Variants in CMC2 observed in about 807,000 individuals in gnomAD.
CMC2 encodes COX assembly mitochondrial protein 2 homolog.
CMC2 carries 5 observed loss-of-function variants against 7.5 expected under a neutral mutation model. That is an observed-to-expected ratio of 0.66 (90% CI 0.35 to 1.40). The LOEUF is 1.40. CMC2 is among the 40% of genes most tolerant of loss of function. The pLI is 0.04. For missense variants in CMC2, 115 were observed against 92.3 expected, an observed-to-expected ratio of 1.25 and a Z score of -1.01; for synonymous variants, 37 against 31.4, an observed-to-expected ratio of 1.18 and a Z score of -0.60.
chr16:80,999,722 C>T (rs947812017), intron 1 of CMC2, among the ~76,000 whole-genome samples: 1 of 152,164 alleles, frequency 6.6e-6, no homozygotes. Flanking sequence ...ACACATGGAC[C>T]AATGGAACAT....
intron 3 of CMC2, chr16:80,980,907 A>C: frequency 1.4e-6 from 1 of 695,742 alleles, no homozygotes; most frequent in Non-Finnish European, 2.6e-6. Flanking sequence ...AGAAAAAAAG[A>C]AACAAACTAT....
chr16:80,973,163 C>A lies in CMC2; in HGVS notation c.*2930G>T, dbSNP rs1423633142. The A allele has an allele frequency of 1.3e-5, 2 of 152,308 alleles. No individual in the cohort carries two copies. The highest frequency in any genetic ancestry group is 4.8e-5 in the African/African-American group (2 of 41,452). 9.4% of individuals were successfully genotyped at this position (152,308 alleles called of 1,614,324 possible). A position where few individuals can be genotyped will look rare whatever the true frequency, so the allele number is the denominator to read the frequency against. On this transcript the variant is annotated 3_prime_UTR_variant, in exon 4 of 4. Transcript: ENST00000219400. Reference sequence around the variant, plus strand: ...ATGCAGCCACCCCTGGGACTGGCTTCCTCTATGGAAAGGCAGGATGTACAG... The same window carrying A: ...ATGCAGCCACCCCTGGGACTGGCTTACTCTATGGAAAGGCAGGATGTACAG...
In CMC2 at chr16:80,967,960, G is replaced by C. The variant is rs1911669823; in HGVS notation, c.*8133C>G. On this transcript the variant is annotated 3_prime_UTR_variant, in exon 4 of 4. Coordinates refer to ENST00000219400, the MANE Select transcript of CMC2 (RefSeq NM_020188.5). ...TCTCAACATAATATATCACCAATAA[G>C]AACTTTTCTCAAAAACTTAAATACA... 1 of 151,474 alleles carries C rather than the reference G, an allele frequency of 6.6e-6. No individual in the cohort carries two copies. The highest frequency in any genetic ancestry group is 2.4e-5 in the African/African-American group (1 of 41,148). 9.4% of individuals were successfully genotyped at this position (151,474 alleles called of 1,614,324 possible). A position where few individuals can be genotyped will look rare whatever the true frequency, so the allele number is the denominator to read the frequency against.
At chr16:80,998,045 T>G (rs2549865) in intron 1 of CMC2, 95,417 of 151,224 alleles carry the variant, frequency 0.63, 31,597 homozygotes, top group Middle Eastern at 0.8. Flanking sequence ...AATTGGATCA[T>G]CCACAAGGTG....
At position 80,969,243 on chromosome 16, in the gene CMC2, T is replaced by C. The variant is rs1158644729; in HGVS notation, c.*6850A>G. On this transcript the variant is annotated 3_prime_UTR_variant, in exon 4 of 4. Coordinates refer to ENST00000219400, the MANE Select transcript of CMC2 (RefSeq NM_020188.5). The stretch of plus-strand genomic sequence containing the variant: ...TATCCCAAAATACAAATGAGTGAGG[T>C]GAGGACAGAGCATCAAGAGCCAGAG... 6.6e-6 allele frequency: 1 copy of C among 152,042 alleles called. No individual in the cohort carries two copies. The highest frequency in any genetic ancestry group is 1.5e-5 in the Non-Finnish European group (1 of 68,048). 9.4% of individuals were successfully genotyped at this position (152,042 alleles called of 1,614,324 possible).
chr16:80,993,509 T>C (rs1968170549), intron 2 of CMC2, among the ~76,000 whole-genome samples: 1 of 151,602 alleles, frequency 6.6e-6, no homozygotes, highest in South Asian at 2.1e-4. Flanking sequence ...TCACTACACA[T>C]GTATTGGGTG....
chr16:80,973,304 A>C lies in CMC2; in HGVS notation c.*2789T>G, dbSNP rs1267040229. The C allele has an allele frequency of 6.6e-6, 1 of 152,108 alleles. No homozygotes were observed. The highest frequency in any genetic ancestry group is 1.5e-5 in the Non-Finnish European group (1 of 68,038). The allele number at this position is 152,108 out of a possible 1,614,324, so 9.4% of individuals were successfully genotyped here. ...TGCCCCATCAGCTGGGGCCCCACTC[A>C]AACGGTATCAGCCCTAGTGATTTGG... On this transcript the variant is annotated 3_prime_UTR_variant, in exon 4 of 4. Transcript: ENST00000219400.
chr16:80,991,455 C>T lies in CMC2; in HGVS notation c.81+5859G>A, dbSNP rs2316924. Among the ~76,000 whole-genome samples, 693 of 152,092 alleles carry T rather than the reference C, an allele frequency of 4.6e-3. 8 individuals carry two copies. Among genetic ancestry groups the T allele is most frequent in the African/African-American group, 0.016 (667 of 41,480 alleles). On this transcript the variant is annotated intron_variant, in intron 2 of 3. Transcript: ENST00000219400. ...TTCAAGACCAGCCTGAGCAACATGG[C>T]GAAAACCCGTTCTCTACAAATATAC...
At chr16:80,981,257 G>C (rs1245768768) in intron 3 of CMC2, among the ~76,000 whole-genome samples, 1 of 152,148 alleles carries the variant, frequency 6.6e-6, no homozygotes, top group Non-Finnish European at 1.5e-5. Context: ...CCTGGAAAAA[G>C]ACAATGAACT....
intron 2 of CMC2, among the ~76,000 whole-genome samples, chr16:80,996,188 G>C (rs943398226): frequency 3.9e-5 from 6 of 152,082 alleles, no homozygotes; most frequent in African/African-American, 1.2e-4. Context: ...TTTATGTCTA[G>C]TATTACAAAA....
At chr16:81,000,894 T>A (rs1213115054) in intron 1 of CMC2, among the ~76,000 whole-genome samples, 2 of 152,200 alleles carry the variant, frequency 1.3e-5, no homozygotes, top group African/African-American at 4.8e-5. Flanking sequence ...AAACATGCAC[T>A]CATAAGTTCT....
intron 3 of CMC2, chr16:80,978,229 CT>C (rs775916201): frequency 2.5e-4 from 261 of 1,037,560 alleles, no homozygotes; most frequent in Non-Finnish European, 2.9e-4. Context: ...TGAGAAAAAG[CT>C]TTCATATCTA....
chr16:80,986,423 C>T (rs901115027), intron 2 of CMC2, among the ~76,000 whole-genome samples: 1 of 151,554 alleles, frequency 6.6e-6, no homozygotes, highest in South Asian at 2.1e-4. Flanking sequence ...CCACTGCACT[C>T]CAGCCTGGGC....
rs867163780 is a variant in CMC2, at chr16:80,974,474, T to C, written c.*1619A>G. ...GCACTGAAAATAAAATTCCAACAGA[T>C]TTCAAAGCTGTCTATGATCTTCCTC... On this transcript the variant is annotated 3_prime_UTR_variant, in exon 4 of 4. Transcript: ENST00000219400. The C allele has an allele frequency of 6.6e-6, 1 of 152,190 alleles. No individual in the cohort carries two copies. The allele number at this position is 152,190 out of a possible 1,614,324, so 9.4% of individuals were successfully genotyped here. A position where few individuals can be genotyped will look rare whatever the true frequency, so the allele number is the denominator to read the frequency against.
chr16:80,973,198 G>T lies in CMC2; in HGVS notation c.*2895C>A, dbSNP rs1276739670. 1 of 152,288 alleles carries T rather than the reference G, an allele frequency of 6.6e-6. No individual in the cohort carries two copies. The highest frequency in any genetic ancestry group is 2.4e-5 in the African/African-American group (1 of 41,450). 9.4% of individuals were successfully genotyped at this position (152,288 alleles called of 1,614,324 possible). On this transcript the variant is annotated 3_prime_UTR_variant, in exon 4 of 4. Transcript: ENST00000219400. Reference sequence around the variant, plus strand: ...AAGGCAGGATGTACAGGGAGCCAGAGAATGGGGCCGGCTTGGGATGAGTTC... The same window carrying T: ...AAGGCAGGATGTACAGGGAGCCAGATAATGGGGCCGGCTTGGGATGAGTTC...
At chr16:80,988,497 T>C (rs912980968) in intron 2 of CMC2, 5 of 690,370 alleles carry the variant, frequency 7.2e-6, no homozygotes, top group Non-Finnish European at 1.3e-5. Flanking sequence ...AATTTCCAAA[T>C]AGTAACATTT....
chr16:80,972,741 A>C lies in CMC2; in HGVS notation c.*3352T>G, dbSNP rs1912016252. 1 of 152,246 alleles carries C rather than the reference A, an allele frequency of 6.6e-6. No homozygotes were observed. 9.4% of individuals were successfully genotyped at this position (152,246 alleles called of 1,614,324 possible). A position where few individuals can be genotyped will look rare whatever the true frequency, so the allele number is the denominator to read the frequency against. ...GTTTACTTATCGTCTGCAAGTCCAC[A>C]GTAAGGAAATCTCTTCCTTCACTTG... On this transcript the variant is annotated 3_prime_UTR_variant, in exon 4 of 4. Coordinates refer to ENST00000219400, the MANE Select transcript of CMC2 (RefSeq NM_020188.5).
Position 80,966,813 on chromosome 16 carries a change from A to G in CMC2, c.*9280T>C, listed in dbSNP as rs1164575486. On this transcript the variant is annotated 3_prime_UTR_variant, in exon 4 of 4. Transcript: ENST00000219400. ...TTCTTCTTTTCTTTATATAATCACC[A>G]TATAGTCATACATACAGACACACGA... The G allele has an allele frequency of 6.6e-6, 1 of 152,212 alleles. No homozygotes were observed. Among genetic ancestry groups the G allele is most frequent in the Non-Finnish European group, 1.5e-5 (1 of 68,042 alleles). 9.4% of individuals were successfully genotyped at this position (152,212 alleles called of 1,614,324 possible). A position where few individuals can be genotyped will look rare whatever the true frequency, so the allele number is the denominator to read the frequency against.
chr16:80,983,694 T>C (rs1186290052), intron 2 of CMC2: 1 of 152,212 alleles, frequency 6.6e-6, no homozygotes, highest in Non-Finnish European at 1.5e-5. Context: ...ATCAAATAAG[T>C]AACACAGATG....
Sources: gnomAD v4.1 joint callset for allele counts (sites outside exome capture counted in the v4.1 genomes callset) on GRCh38, gnomAD v4.1.1 for gene constraint, MANE v1.5 for transcripts, NCBI Gene and HGNC (gene_info 2026-07-23, HGNC 2026-07-21) for gene names.